The following WDR72 variants were observed in gnomAD, a reference collection of about 807,000 sequenced individuals.
The protein encoded by WDR72 is WD repeat-containing protein 72.
WDR72 carries 120 observed loss-of-function variants against 124.2 expected under a neutral mutation model. The observed-to-expected ratio is 0.97, with a 90% CI of 0.83 to 1.12. The LOEUF (loss-of-function observed/expected upper bound fraction) is 1.12. Ranked by LOEUF, WDR72 falls within the 50% of genes most tolerant of loss-of-function variation. The pLI is 0.00. For missense variants in WDR72, 1,387 were observed against 1,278.8 expected (o/e 1.08, Z -1.29); for synonymous variants, 452 against 441.7 (o/e 1.02, Z -0.29).
At chr15:53,656,750 T>C (rs1170854954) in intron 14 of WDR72, among the ~76,000 whole-genome samples, 1 of 152,102 alleles carries the variant, frequency 6.6e-6, no homozygotes, top group Non-Finnish European at 1.5e-5. Context: ...AGTGCATTAG[T>C]CATTAAAAAA....
intron 18 of WDR72, among the ~76,000 whole-genome samples, chr15:53,533,885 A>AT (rs1017082365): frequency 1.3e-5 from 2 of 151,912 alleles, no homozygotes; most frequent in African/African-American, 4.8e-5. Flanking sequence ...AGTTAACATT[A>AT]TTTTTTCTCC....
At chr15:53,569,992 A>T (rs959189940) in intron 18 of WDR72, among the ~76,000 whole-genome samples, 1 of 152,026 alleles carries the variant, frequency 6.6e-6, no homozygotes, top group Non-Finnish European at 1.5e-5. Context: ...CATTAAATGC[A>T]TTCCCTTTTG....
At chr15:53,719,872 T>C (rs1359557989) in intron 3 of WDR72, among the ~76,000 whole-genome samples, 2 of 152,188 alleles carry the variant, frequency 1.3e-5, no homozygotes, top group Admixed American at 1.3e-4. Context: ...CCTGGTGCCC[T>C]ACTTCTCTGG....
chr15:53,629,203 A>C (rs550379518), intron 14 of WDR72, among the ~76,000 whole-genome samples: 6 of 151,266 alleles, frequency 4.0e-5, no homozygotes, highest in Admixed American at 1.3e-4. Context: ...AGAGAGAGAG[A>C]GAGAGAGAGT....
At chr15:53,607,637 C>G (rs936064556) in intron 17 of WDR72, among the ~76,000 whole-genome samples, 2 of 152,048 alleles carry the variant, frequency 1.3e-5, no homozygotes, top group East Asian at 1.9e-4. Context: ...CACAGGCAAC[C>G]AATGCAAAAA....
intron 18 of WDR72, among the ~76,000 whole-genome samples, chr15:53,582,694 C>T (rs1396607596): frequency 2.6e-5 from 4 of 151,862 alleles, no homozygotes; most frequent in African/African-American, 9.7e-5. Context: ...TTTGTGTTTG[C>T]TTACTGGAAA....
At chr15:53,607,798 A>G (rs915555293) in intron 17 of WDR72, among the ~76,000 whole-genome samples, 1 of 152,188 alleles carries the variant, frequency 6.6e-6, no homozygotes, top group East Asian at 1.9e-4. Flanking sequence ...AGGGAGCTCA[A>G]ACAACTCTAT....
At chr15:53,627,271 A>T (rs1455155766) in intron 14 of WDR72, among the ~76,000 whole-genome samples, 1 of 152,222 alleles carries the variant, frequency 6.6e-6, no homozygotes, top group Non-Finnish European at 1.5e-5. Flanking sequence ...ATTTTACAAT[A>T]CACCACAGTC....
chr15:53,567,888 CAAAT>C (rs1040685899), intron 18 of WDR72, among the ~76,000 whole-genome samples: 4 of 151,250 alleles, frequency 2.6e-5, no homozygotes, highest in East Asian at 1.9e-4. Context: ...AGATAAAAAA[CAAAT>C]AATCATTTCT....
rs1286386280 is a variant in WDR72 at position 53,725,901 on chromosome 15, C to T, written c.154-2993G>A. Reference sequence around the variant, plus strand: ...CCAACCTGGCTAACAGGACGAACCTCGTATCTATTAAAAATATAAAAATTA... The same window carrying T: ...CCAACCTGGCTAACAGGACGAACCTTGTATCTATTAAAAATATAAAAATTA... On this transcript the variant is annotated intron_variant, in intron 2 of 19. Coordinates refer to ENST00000360509, the MANE Select transcript of WDR72 (RefSeq NM_182758.4). Among the ~76,000 whole-genome samples the T allele has an allele frequency of 2.6e-5, 4 of 151,780 alleles. No homozygotes were observed. In the South Asian group the frequency reaches 6.2e-4, roughly 24 times the overall value.
chr15:53,694,105 A>G (rs137909779), intron 13 of WDR72, among the ~76,000 whole-genome samples: 104 of 152,288 alleles, frequency 6.8e-4, no homozygotes, highest in African/African-American at 2.2e-3. Context: ...CATGGATACA[A>G]TACTTTTAAA....
At chr15:53,640,607 A>G (rs972975357) in intron 14 of WDR72, among the ~76,000 whole-genome samples, 2 of 152,208 alleles carry the variant, frequency 1.3e-5, no homozygotes, top group Non-Finnish European at 2.9e-5. Context: ...TGTTATCTTT[A>G]AAGTATTGGC....
chr15:53,694,958 A>ACC (rs2016958288), intron 13 of WDR72, among the ~76,000 whole-genome samples: 1 of 152,154 alleles, frequency 6.6e-6, no homozygotes, highest in Non-Finnish European at 1.5e-5. Context: ...ACACAGCGTC[A>ACC]CCCTCTCCTT....
chr15:53,718,167 A>G (rs11070997), intron 3 of WDR72, among the ~76,000 whole-genome samples: 40,096 of 148,560 alleles, frequency 0.27, 6,637 homozygotes, highest in Middle Eastern at 0.47. Context: ...TTATCTCCAG[A>G]GATTCTAATT....
intron 1 of WDR72, among the ~76,000 whole-genome samples, chr15:53,735,513 T>C (rs1005312528): frequency 6.6e-6 from 1 of 152,168 alleles, no homozygotes; most frequent in African/African-American, 2.4e-5. Context: ...CATGAGGGTA[T>C]ACATATGTCA....
intron 14 of WDR72, among the ~76,000 whole-genome samples, chr15:53,627,991 T>A (rs572865026): frequency 6.6e-6 from 1 of 152,218 alleles, no homozygotes; most frequent in Non-Finnish European, 1.5e-5. Context: ...TACCACTTTC[T>A]ACTTTCTGCC....
intron 13 of WDR72, among the ~76,000 whole-genome samples, chr15:53,671,476 T>A (rs767933167): frequency 1.2e-4 from 18 of 152,200 alleles, no homozygotes; most frequent in Non-Finnish European, 2.5e-4. Flanking sequence ...TTTTGGCAAG[T>A]ATGTGTTCCA....
At chr15:53,602,197 T>C (rs565930254) in intron 17 of WDR72, among the ~76,000 whole-genome samples, 2 of 152,088 alleles carry the variant, frequency 1.3e-5, no homozygotes, top group African/African-American at 2.4e-5. Context: ...CTCAAAACCA[T>C]ACAATTACAT....
intron 14 of WDR72, among the ~76,000 whole-genome samples, chr15:53,619,363 T>G (rs1232384291): frequency 6.6e-6 from 1 of 151,546 alleles, no homozygotes; most frequent in Non-Finnish European, 1.5e-5. Flanking sequence ...GGATTTTAGT[T>G]TGTGAATACC....
Sources: gnomAD v4.1 joint callset for allele counts (sites outside exome capture counted in the v4.1 genomes callset) on GRCh38, gnomAD v4.1.1 for gene constraint, MANE v1.5 for transcripts, NCBI Gene and HGNC (gene_info 2026-07-23, HGNC 2026-07-21) for gene names.